KIF26B: variants seen among roughly 807,000 people sequenced by gnomAD.
KIF26B encodes kinesin family member 26B.
A neutral mutation model predicts 151.2 loss-of-function variants in KIF26B; 63 were observed. The observed-to-expected ratio is 0.42, with a 90% CI of 0.34 to 0.51. KIF26B has a LOEUF of 0.51. Ranked by LOEUF, KIF26B falls within the 20% of genes least tolerant of loss-of-function variation. The pLI is 0.07. For synonymous variants in KIF26B, 1,357 were observed against 1,262.1 expected (o/e 1.08, Z -1.59); for missense variants, 2,813 against 2,913.6 (o/e 0.97, Z 0.79).
intron 12 of KIF26B, among the ~76,000 whole-genome samples, chr1:245,692,477 G>T (rs746536093): frequency 6.6e-6 from 1 of 152,116 alleles, no homozygotes; most frequent in Non-Finnish European, 1.5e-5. Flanking sequence ...CAGAGAGGGC[G>T]CAGGGCATCG....
rs773642994 is a variant in KIF26B at position 245,686,680 on chromosome 1, A to G, written c.3697A>G (p.Ser1233Gly). 2.5e-6 allele frequency: 4 copies of G among 1,612,430 alleles called. No individual in the cohort carries two copies. The Admixed American group carries it at 6.7e-5, about 27-fold the overall frequency. ...GGGCTCGCGGCCCGTCAGCATCATC[A>G]GCAGCATCAGCGAGGACCTGGAGTG... ...ASGSRPVSII[S>G]SISEDLECYS... is the part of the protein sequence containing the mutation. Residue 1233 changes from serine to glycine, a missense_variant, in exon 12 of 15, where the codon AGC (serine) becomes GGC (glycine). Physicochemically the swap from Ser to Gly is moderately conservative, Grantham distance 56. Transcript: ENST00000407071. The surrounding 1 kb of genome is among the most constrained non-coding windows in gnomAD (Gnocchi z 5.6).
chr1:245,496,811 A>G (rs977715949), intron 4 of KIF26B, among the ~76,000 whole-genome samples: 4 of 152,222 alleles, frequency 2.6e-5, no homozygotes, highest in Non-Finnish European at 5.9e-5. Flanking sequence ...GAGACGCTTC[A>G]TAAATGTAAG....
intron 4 of KIF26B, among the ~76,000 whole-genome samples, chr1:245,451,856 TC>T (rs1439847940): frequency 6.6e-6 from 1 of 152,092 alleles, no homozygotes; most frequent in African/African-American, 2.4e-5. Flanking sequence ...CACCTCGGCC[TC>T]CCAAAGTGCT....
intron 2 of KIF26B, among the ~76,000 whole-genome samples, chr1:245,204,562 C>T (rs1450151086): frequency 4.0e-5 from 6 of 151,862 alleles, no homozygotes; most frequent in Admixed American, 2.0e-4. Flanking sequence ...TTAGTAGAGG[C>T]GGGGTTTCGC....
intron 3 of KIF26B, among the ~76,000 whole-genome samples, chr1:245,374,465 T>C (rs531781964): frequency 6.6e-6 from 1 of 152,126 alleles, no homozygotes; most frequent in East Asian, 1.9e-4. Flanking sequence ...GGTGGGTGTT[T>C]CCAGCAGGTC....
intron 3 of KIF26B, among the ~76,000 whole-genome samples, chr1:245,384,465 C>T (rs956026690): frequency 6.6e-6 from 1 of 152,116 alleles, no homozygotes; most frequent in Non-Finnish European, 1.5e-5. Flanking sequence ...TTTCTGTTGC[C>T]CAGCTGGATA....
At chr1:245,365,403 G>C (rs774366419) in intron 2 of KIF26B, among the ~76,000 whole-genome samples, 1 of 152,072 alleles carries the variant, frequency 6.6e-6, no homozygotes, top group Non-Finnish European at 1.5e-5. Context: ...GGAGCTGTTC[G>C]GGGTAGTTAA....
At chr1:245,172,779 C>T (rs1668736211) in intron 2 of KIF26B, among the ~76,000 whole-genome samples, 1 of 152,144 alleles carries the variant, frequency 6.6e-6, no homozygotes, top group Admixed American at 6.5e-5. Flanking sequence ...CACTGCGCTC[C>T]AGCCTGGGTG....
At chr1:245,316,074 G>C (rs887288575) in intron 2 of KIF26B, among the ~76,000 whole-genome samples, 1 of 152,072 alleles carries the variant, frequency 6.6e-6, no homozygotes, top group Non-Finnish European at 1.5e-5. Context: ...ACCAGGCTTA[G>C]TGGATGACCG....
At chr1:245,311,149 C>T (rs886171801) in intron 2 of KIF26B, among the ~76,000 whole-genome samples, 1 of 152,142 alleles carries the variant, frequency 6.6e-6, no homozygotes, top group Admixed American at 6.5e-5. Context: ...GCTAGACTCG[C>T]CTGTCTCTGG....
chr1:245,272,630 C>A (rs1670872973), intron 2 of KIF26B, among the ~76,000 whole-genome samples: 1 of 151,334 alleles, frequency 6.6e-6, no homozygotes, highest in African/African-American at 2.4e-5. Flanking sequence ...TATTTGAGAT[C>A]TTTATTCTTT....
chr1:245,531,984 C>T (rs1324415212), intron 4 of KIF26B, among the ~76,000 whole-genome samples: 1 of 152,046 alleles, frequency 6.6e-6, no homozygotes, highest in Non-Finnish European at 1.5e-5. Flanking sequence ...ACCTGTAGTC[C>T]TCGCTACTCT....
chr1:245,666,890 G>A (rs528063172), intron 10 of KIF26B, among the ~76,000 whole-genome samples: 66 of 152,296 alleles, frequency 4.3e-4, no homozygotes, highest in African/African-American at 1.4e-3. Flanking sequence ...TAACAGCGGG[G>A]TCTGAGTGGC....
At chr1:245,292,774 G>A (rs1163253732) in intron 2 of KIF26B, among the ~76,000 whole-genome samples, 1 of 152,114 alleles carries the variant, frequency 6.6e-6, no homozygotes, top group Admixed American at 6.6e-5. Context: ...ATGTGTATCT[G>A]CTAGGCCATT....
At chr1:245,332,141 C>T (rs566126107) in intron 2 of KIF26B, among the ~76,000 whole-genome samples, 69 of 151,868 alleles carry the variant, frequency 4.5e-4, no homozygotes, top group Non-Finnish European at 2.6e-4. Context: ...AAATAAATAG[C>T]AATAAAAAAT....
intron 2 of KIF26B, among the ~76,000 whole-genome samples, chr1:245,319,879 T>C (rs745624224): frequency 2.6e-5 from 4 of 152,202 alleles, no homozygotes; most frequent in Non-Finnish European, 4.4e-5. Flanking sequence ...CCATGCTATT[T>C]CTCTGTTGTA....
intron 3 of KIF26B, among the ~76,000 whole-genome samples, chr1:245,377,802 G>T (rs1009947229): frequency 2.0e-5 from 3 of 151,804 alleles, no homozygotes; most frequent in Non-Finnish European, 4.4e-5. Context: ...CATGTTCTTT[G>T]CTTGGAGGAA....
In KIF26B at chr1:245,677,892, G is replaced by T. The variant is rs190267367; in HGVS notation, c.2259-6341G>T. ...CTTGAGACCTAGGAGACCCTTTGGG[G>T]CAGAATTGCCCTCAGCAGAGCTGGT... On this transcript the variant is annotated intron_variant, in intron 10 of 14. Transcript: ENST00000407071. Among the ~76,000 whole-genome samples, 305 of 152,376 alleles carry T rather than the reference G, an allele frequency of 2.0e-3. 2 individuals carry two copies. The highest frequency in any genetic ancestry group is 6.8e-3 in the Middle Eastern group (2 of 294).
At chr1:245,357,235 A>G (rs1156462959) in intron 2 of KIF26B, among the ~76,000 whole-genome samples, 3 of 152,208 alleles carry the variant, frequency 2.0e-5, no homozygotes, top group African/African-American at 7.2e-5. Context: ...TTAAGATTGA[A>G]AAGGATCACC....
Sources: allele counts gnomAD v4.1 joint callset (sites outside exome capture counted in the v4.1 genomes callset), GRCh38; gene constraint gnomAD v4.1.1; non-coding constraint Gnocchi (gnomAD v3.1); transcripts MANE v1.5; gene names NCBI Gene and HGNC (gene_info 2026-07-23, HGNC 2026-07-21).